SPSB1: variants seen among roughly 807,000 people sequenced by gnomAD.
The protein encoded by SPSB1 is splA/ryanodine receptor domain and SOCS box containing 1.
SPSB1 carries 8 observed loss-of-function variants against 21.2 expected under a neutral mutation model. That is an observed-to-expected ratio of 0.38 (90% CI 0.22 to 0.68). The LOEUF (loss-of-function observed/expected upper bound fraction) is 0.68. Among genes scored for constraint, SPSB1 ranks in the 30% least tolerant of loss-of-function variants. SPSB1 has a pLI of 0.53. For synonymous variants in SPSB1, 169 were observed against 161.7 expected (o/e 1.05, Z -0.34); for missense variants, 242 against 377.8 (o/e 0.64, Z 2.98).
At chr1:9,334,850 C>T (rs1639979608) in intron 1 of SPSB1, among the ~76,000 whole-genome samples, 1 of 152,228 alleles carries the variant, frequency 6.6e-6, no homozygotes, top group African/African-American at 2.4e-5. Flanking sequence ...GTTCAAGATT[C>T]ACTCATATAG....
intron 2 of SPSB1, among the ~76,000 whole-genome samples, chr1:9,360,676 A>G (rs564953412): frequency 1.3e-5 from 2 of 152,222 alleles, no homozygotes; most frequent in African/African-American, 4.8e-5. Context: ...CCACCTGTGT[A>G]TGTGTCTCTC....
At chr1:9,361,156 C>CCTTTTTTTTTTTTCTTTTTTTTCTTTTT (rs1553128958) in intron 2 of SPSB1, among the ~76,000 whole-genome samples, 1 of 102,578 alleles carries the variant, frequency 9.7e-6, no homozygotes, top group African/African-American at 4.1e-5. Context: ...CTGTCATTTT[C>CCTTTTTTTTTTTTCTTTTTTTTCTTTTT]TTTTTTTTTT....
At chr1:9,330,165 T>A (rs1639890930) in intron 1 of SPSB1, among the ~76,000 whole-genome samples, 1 of 152,208 alleles carries the variant, frequency 6.6e-6, no homozygotes, top group Admixed American at 6.5e-5. Flanking sequence ...ACACCTGATA[T>A]GTACACATAA....
Position 9,332,539 on chromosome 1 carries a change from C to T in SPSB1, c.-149-23204C>T, listed in dbSNP as rs560888831. On this transcript the variant is annotated intron_variant, in intron 1 of 2. Transcript: ENST00000328089. ...CTGGGGAGATGATATTTGGTGGACA[C>T]GTCAGGTTCACAGGCAGACACTCCC... Among the ~76,000 whole-genome samples the T allele has an allele frequency of 8.5e-5, 13 of 152,178 alleles. No individual in the cohort carries two copies. The East Asian group carries it at 1.9e-3, about 23-fold the overall frequency.
chr1:9,334,179 G>A (rs972395883), intron 1 of SPSB1, among the ~76,000 whole-genome samples: 3 of 151,940 alleles, frequency 2.0e-5, no homozygotes, highest in Non-Finnish European at 4.4e-5. Flanking sequence ...TCCGCCTCCC[G>A]GGCTCAAGCA....
chr1:9,366,484 G>A (rs1043872814), intron 2 of SPSB1, among the ~76,000 whole-genome samples: 1 of 152,050 alleles, frequency 6.6e-6, no homozygotes, highest in African/African-American at 2.4e-5. Flanking sequence ...GTGGCTAAGG[G>A]CATGGACGCT....
At chr1:9,301,315 A>C (rs1423122773) in intron 1 of SPSB1, among the ~76,000 whole-genome samples, 1 of 151,694 alleles carries the variant, frequency 6.6e-6, no homozygotes, top group Non-Finnish European at 1.5e-5. Flanking sequence ...ACATAGTGAG[A>C]CTCCCCGCCC....
chr1:9,329,985 G>C (rs1639888051), intron 1 of SPSB1, among the ~76,000 whole-genome samples: 1 of 152,200 alleles, frequency 6.6e-6, no homozygotes, highest in African/African-American at 2.4e-5. Flanking sequence ...GAGTGGCCCA[G>C]GAGCAGGTGA....
chr1:9,307,741 CTTA>C (rs1639443648), intron 1 of SPSB1, among the ~76,000 whole-genome samples: 1 of 152,214 alleles, frequency 6.6e-6, no homozygotes, highest in South Asian at 2.1e-4. Context: ...GATCTTGTTA[CTTA>C]TTTGTATCTT....
chr1:9,343,509 T>C (rs1640122108), intron 1 of SPSB1, among the ~76,000 whole-genome samples: 2 of 152,236 alleles, frequency 1.3e-5, no homozygotes, highest in Non-Finnish European at 2.9e-5. Flanking sequence ...CATGCATCCA[T>C]TGATGGACAT....
At chr1:9,318,142 G>A (rs771583370) in intron 1 of SPSB1, among the ~76,000 whole-genome samples, 42 of 152,220 alleles carry the variant, frequency 2.8e-4, no homozygotes, top group Non-Finnish European at 4.8e-4. Flanking sequence ...AGTGAGGGTG[G>A]GGCCCTGGGG....
At chr1:9,294,936 G>C (rs550875482) in intron 1 of SPSB1, among the ~76,000 whole-genome samples, 2 of 152,118 alleles carry the variant, frequency 1.3e-5, no homozygotes, top group African/African-American at 4.8e-5. Flanking sequence ...CTGTCTTACT[G>C]TCTAGGCCAG....
chr1:9,361,156 C>CCT lies in SPSB1; in HGVS notation c.694+4571_694+4572insCT, dbSNP rs1553128958. On this transcript the variant is annotated intron_variant, in intron 2 of 2. Coordinates refer to ENST00000328089, the MANE Select transcript of SPSB1 (RefSeq NM_025106.4). ...CAGGCATGGCTGGATCTGTCATTTT[C>CCT]TTTTTTTTTTTTTTTTTTTTTTTTT... Among the ~76,000 whole-genome samples the CCT allele has an allele frequency of 5.8e-4, 59 of 102,576 alleles. 14 individuals are homozygous for CCT. The highest frequency in any genetic ancestry group is 1.2e-3 in the East Asian group (4 of 3,420). The allele number at this position is 102,576 out of a possible 152,430, so 67.3% of individuals were successfully genotyped here.
chr1:9,332,681 A>G (rs1320374765), intron 1 of SPSB1, among the ~76,000 whole-genome samples: 1 of 152,230 alleles, frequency 6.6e-6, no homozygotes, highest in Non-Finnish European at 1.5e-5. Flanking sequence ...ACAGAACCTT[A>G]GAGAGTGAGT....
chr1:9,367,733 C>G lies in SPSB1; in HGVS notation c.*158C>G. ...ATCCTCCGTGGCTGCCTCCATGGGA[C>G]AAGGACCGATTCCAACACAGGCTCC... On this transcript the variant is annotated 3_prime_UTR_variant, in exon 3 of 3. Coordinates refer to ENST00000328089, the MANE Select transcript of SPSB1 (RefSeq NM_025106.4). This position sits in a 1 kb window ranked among gnomAD's most constrained non-coding sequence, Gnocchi z 5.9. 8.7e-7 allele frequency: 1 copy of G among 1,147,886 alleles called. No homozygotes were observed. The highest frequency in any genetic ancestry group is 1.2e-6 in the Non-Finnish European group (1 of 836,970). 71.1% of individuals were successfully genotyped at this position (1,147,886 alleles called of 1,614,324 possible).
chr1:9,301,659 G>A (rs998501339), intron 1 of SPSB1, among the ~76,000 whole-genome samples: 2 of 152,172 alleles, frequency 1.3e-5, no homozygotes, highest in East Asian at 1.9e-4. Context: ...CCCTGTCATC[G>A]CCTGGTGGGC....
chr1:9,359,738 T>C (rs1640434850), intron 2 of SPSB1, among the ~76,000 whole-genome samples: 2 of 146,470 alleles, frequency 1.4e-5, no homozygotes, highest in Non-Finnish European at 3.0e-5. Flanking sequence ...TTCTGGCTGC[T>C]CTATAGAAAT....
rs759099730 is a variant in SPSB1, at chr1:9,356,080, C to G, written c.189C>G (p.Leu63=). The G allele has an allele frequency of 6.2e-7, 1 of 1,612,010 alleles. No homozygotes were observed. Among genetic ancestry groups the G allele is most frequent in the Non-Finnish European group, 8.5e-7 (1 of 1,178,524 alleles). ...LHSWNNNDRS[L]NVFVKEDDKL... is the part of the protein sequence containing the mutation. ...CATGGAACAACAACGACCGATCGCT[C>G]AATGTCTTTGTGAAGGAGGACGACA... Residue 63 remains leucine (L), a synonymous_variant, in exon 2 of 3, where the codon CTC becomes CTG. Transcript: ENST00000328089. This position sits in a 1 kb window ranked among gnomAD's most constrained non-coding sequence, Gnocchi z 7.4.
chr1:9,350,749 C>T (rs1640243205), intron 1 of SPSB1, among the ~76,000 whole-genome samples: 1 of 152,242 alleles, frequency 6.6e-6, no homozygotes, highest in African/African-American at 2.4e-5. Context: ...AGTCCTCCCA[C>T]CTCCTGGAAA....
Sources: gnomAD v4.1 joint callset for allele counts (sites outside exome capture counted in the v4.1 genomes callset) on GRCh38, gnomAD v4.1.1 for gene constraint, Gnocchi (gnomAD v3.1) non-coding constraint, MANE v1.5 for transcripts, NCBI Gene and HGNC (gene_info 2026-07-23, HGNC 2026-07-21) for gene names.